The following KMT2B variants were observed in gnomAD, a reference collection of about 807,000 sequenced individuals.
The protein encoded by KMT2B is lysine methyltransferase 2B.
Under a neutral mutation model 255.3 loss-of-function variants are expected in KMT2B, and 22 were observed. The observed-to-expected ratio is 0.09, with a 90% CI of 0.06 to 0.12. The LOEUF (loss-of-function observed/expected upper bound fraction) is 0.12. Among genes scored for constraint, KMT2B ranks in the 10% least tolerant of loss-of-function variants. The pLI is 1.00. For missense variants in KMT2B, 3,149 were observed against 3,737.0 expected (o/e 0.84, Z 4.10); for synonymous variants, 1,730 against 1,498.1 (o/e 1.15, Z -3.57).
At position 35,737,948 on chromosome 19, in the gene KMT2B, TG is replaced by T; in HGVS notation, c.7742+10del. On this transcript the variant is annotated splice_region_variant and intron_variant, in intron 35 of 36. Transcript: ENST00000420124. The surrounding 1 kb of genome is among the most constrained non-coding windows in gnomAD (Gnocchi z 5.3). The stretch of plus-strand genomic sequence containing the variant: ...GAAGCTGTGGGTGTCTACAGGTGAG[TG>T]GGGTTGGGGGGGAGGATGCCCCTTG... The T allele has an allele frequency of 1.2e-6, 2 of 1,601,088 alleles. No homozygotes were observed. Among genetic ancestry groups the T allele is most frequent in the Non-Finnish European group, 1.7e-6 (2 of 1,173,658 alleles).
rs990572080 is a variant in KMT2B at position 35,738,744 on chromosome 19, C to G, written c.*187C>G. The G allele has an allele frequency of 7.9e-6, 5 of 633,108 alleles. No individual in the cohort carries two copies. Among genetic ancestry groups the G allele is most frequent in the African/African-American group, 7.3e-5 (4 of 54,486 alleles). 39.2% of individuals were successfully genotyped at this position (633,108 alleles called of 1,614,324 possible). A position where few individuals can be genotyped will look rare whatever the true frequency, so the allele number is the denominator to read the frequency against. On this transcript the variant is annotated 3_prime_UTR_variant, in exon 37 of 37. Transcript: ENST00000420124. The surrounding 1 kb of genome is among the most constrained non-coding windows in gnomAD (Gnocchi z 8.7). ...CTCCAGCCCATCCAGCAATCGCCCC[C>G]TTTCTGCCCTGGGGGCCCAGGATGT... is the stretch of plus-strand genomic sequence containing the variant.
At position 35,725,107 on chromosome 19, in the gene KMT2B, G is replaced by A. The variant is rs192577025; in HGVS notation, c.3528+20G>A. The A allele has an allele frequency of 2.1e-5, 33 of 1,595,344 alleles. 1 individual carries two copies. The African/African-American group carries it at 2.4e-4, about 12-fold the overall frequency. ...TTTAAGGTATGGCATTGAGTGGGGC[G>A]AGTCACAGAGCCTCTGGTTGGAAGA... On this transcript the variant is annotated intron_variant, in intron 10 of 36. Coordinates refer to ENST00000420124, the MANE Select transcript of KMT2B (RefSeq NM_014727.3). This position sits in a 1 kb window ranked among gnomAD's most constrained non-coding sequence, Gnocchi z 4.1.
intron 4 of KMT2B, 46 bp downstream of exon 4, chr19:35,722,518 G>A (rs1362282610): frequency 1.3e-6 from 2 of 1,593,948 alleles, no homozygotes; most frequent in Admixed American, 1.7e-5. Flanking sequence ...CGGGAGGAGT[G>A]GGGCTGCGGG....
Position 35,719,892 on chromosome 19 carries a change from G to T in KMT2B, c.545G>T (p.Gly182Val), listed in dbSNP as rs1969112539. 6.2e-7 allele frequency: 1 copy of T among 1,613,456 alleles called. No homozygotes were observed. The highest frequency in any genetic ancestry group is 2.2e-5 in the East Asian group (1 of 44,846). Residue 182 changes from glycine to valine, a missense_variant, in exon 3 of 37, where the codon GGT becomes GTT. Gly to Val is a moderately radical substitution (Grantham distance 109). This residue lies in a region of KMT2B where 1,188 missense variants were observed against 1,106.4 expected (regional missense o/e 1.07). Coordinates refer to ENST00000420124, the MANE Select transcript of KMT2B (RefSeq NM_014727.3). ...CCAAAGACCCCTGCCCGGAAACGGG[G>T]TGAGGAAGGCACAGAACGGATGGTG... ...TPPKTPARKR[G>V]EEGTERMVQA...
At position 35,737,689 on chromosome 19, in the gene KMT2B, C is replaced by A. The variant is rs868515059; in HGVS notation, c.7604C>A (p.Pro2535His). Reference sequence around the variant, plus strand: ...CTGGCCTCCCAGCACCGGGTGCTCCCTGAGGGGGCCACCTGTGATGAGGAA... The same window carrying A: ...CTGGCCTCCCAGCACCGGGTGCTCCATGAGGGGGCCACCTGTGATGAGGAA... ...NFLASQHRVLPEGATCDEEED... is the reference protein window; with the variant it reads ...NFLASQHRVLHEGATCDEEED... The change falls in exon 34 of 37, where the codon CCT (proline) becomes CAT (histidine). Residue 2535 changes from proline to histidine, a missense_variant. Pro to His is a moderately conservative substitution (Grantham distance 77, BLOSUM62 -2). This residue lies in a region of KMT2B where 103 missense variants were observed against 200.7 expected (regional missense o/e 0.51). Coordinates refer to ENST00000420124, the MANE Select transcript of KMT2B (RefSeq NM_014727.3). The surrounding 1 kb of genome is among the most constrained non-coding windows in gnomAD (Gnocchi z 5.3). The A allele has an allele frequency of 6.3e-7, 1 of 1,582,664 alleles. No homozygotes were observed. Among genetic ancestry groups the A allele is most frequent in the East Asian group, 2.3e-5 (1 of 43,466 alleles).
At position 35,732,433 on chromosome 19, in the gene KMT2B, G is replaced by A; in HGVS notation, c.5884G>A (p.Gly1962Ser). ...TACCTCAGGGGAGCTGGCTCCCCCT[G>A]GCCCGGCCCCATCTCCACCACCCCC... is the stretch of plus-strand genomic sequence containing the variant. ...TPTSGELAPP[G>S]PAPSPPPPED... The change falls in exon 28 of 37, where the codon GGC becomes AGC. Residue 1962 changes from glycine to serine, a missense_variant. Physicochemically the swap from Gly to Ser is moderately conservative, Grantham distance 56. Coordinates refer to ENST00000420124, the MANE Select transcript of KMT2B (RefSeq NM_014727.3). 6.2e-7 allele frequency: 1 copy of A among 1,613,660 alleles called. No individual in the cohort carries two copies. Among genetic ancestry groups the A allele is most frequent in the Non-Finnish European group, 8.5e-7 (1 of 1,179,678 alleles).
At chr19:35,721,872 C>G (rs1212973194) in intron 3 of KMT2B, 68 bp downstream of exon 3, 2 of 1,455,950 alleles carry the variant, frequency 1.4e-6, no homozygotes, top group Non-Finnish European at 1.8e-6. Context: ...AACCCCCTAA[C>G]CTTCCGCCTC....
In KMT2B at chr19:35,732,553, C is replaced by A; in HGVS notation, c.6004C>A (p.Pro2002Thr). 1 of 1,613,810 alleles carries A rather than the reference C, an allele frequency of 6.2e-7. No homozygotes were observed. The highest frequency in any genetic ancestry group is 8.5e-7 in the Non-Finnish European group (1 of 1,179,870). ...DFAASLLGTE[P>T]FQEEIVAAGA... ...CGCGGCCAGCCTGCTGGGGACTGAG[C>A]CCTTCCAGGAAGAGATTGTAGCCGC... Residue 2002 changes from proline to threonine, a missense_variant, in exon 28 of 37, where the codon CCC becomes ACC. Physicochemically the swap from Pro to Thr is conservative, Grantham distance 38. Coordinates refer to ENST00000420124, the MANE Select transcript of KMT2B (RefSeq NM_014727.3).
In KMT2B at chr19:35,728,769, C is replaced by T. The variant is rs781450080; in HGVS notation, c.4572-5C>T. The stretch of plus-strand genomic sequence containing the variant: ...ACATCAGCTGCTAACCCTGCCTGTC[C>T]ACAGCGGAGTCCTTCCCAATGCGGT... On this transcript the variant is annotated splice_region_variant and splice_polypyrimidine_tract_variant and intron_variant, in intron 19 of 36. Transcript: ENST00000420124. 1 of 1,612,268 alleles carries T rather than the reference C, an allele frequency of 6.2e-7. No homozygotes were observed.
chr19:35,727,659 A>T lies in KMT2B; in HGVS notation c.4302+37A>T, dbSNP rs1484809223. 1.2e-6 allele frequency: 2 copies of T among 1,612,268 alleles called. No homozygotes were observed. Among genetic ancestry groups the T allele is most frequent in the South Asian group, 2.2e-5 (2 of 91,068 alleles). On this transcript the variant is annotated intron_variant, in intron 16 of 36. Coordinates refer to ENST00000420124, the MANE Select transcript of KMT2B (RefSeq NM_014727.3). This position sits in a 1 kb window ranked among gnomAD's most constrained non-coding sequence, Gnocchi z 4.2. ...CCTGGAGGCAGGATGGGCCGGGGCT[A>T]GGCCCACCCCCAGCCCTGCTAACTT...
intron 3 of KMT2B, 34 bp downstream of exon 3, chr19:35,721,838 A>G (rs201582458): frequency 1.1e-5 from 16 of 1,517,208 alleles, no homozygotes; most frequent in East Asian, 2.3e-5. Flanking sequence ...CGGCACACCC[A>G]GCCATCCAGC....
chr19:35,726,310 A>T lies in KMT2B; in HGVS notation c.3960A>T (p.Gly1320=). 1 of 1,613,722 alleles carries T rather than the reference A, an allele frequency of 6.2e-7. No individual in the cohort carries two copies. ...AGAACTGGGACGTCGAGTGGTCTGGAGATTACAGCCTCTGCCCCAGGTGCA... is the reference window on the plus strand; with the variant it reads ...AGAACTGGGACGTCGAGTGGTCTGGTGATTACAGCCTCTGCCCCAGGTGCA... ...PGKNWDVEWS[G]DYSLCPRCTQ... is the part of the protein sequence containing the mutation. Residue 1320 remains glycine, a synonymous_variant, in exon 14 of 37, where the codon GGA becomes GGT. Transcript: ENST00000420124.
At position 35,729,173 on chromosome 19, in the gene KMT2B, C is replaced by T. The variant is rs371880047; in HGVS notation, c.4794C>T (p.Leu1598=). 3.1e-6 allele frequency: 5 copies of T among 1,613,468 alleles called. No individual in the cohort carries two copies. The Admixed American group carries it at 5.0e-5, about 16-fold the overall frequency. ...TTCTGCCCCAGGAGGCGGGGCGGCTCTTGTACATCGGGCAGAACGAGTGGA... is the reference window on the plus strand; with the variant it reads ...TTCTGCCCCAGGAGGCGGGGCGGCTTTTGTACATCGGGCAGAACGAGTGGA... The part of the protein sequence containing the change: ...GDADSKEAGR[L]LYIGQNEWTH... Residue 1598 remains leucine (L), a synonymous_variant, in exon 22 of 37, where the codon CTC becomes CTT. Transcript: ENST00000420124.
intron 31 of KMT2B, 31 bp from the exon 32 acceptor site, chr19:35,736,881 T>G: frequency 6.2e-7 from 1 of 1,613,922 alleles, no homozygotes; most frequent in Non-Finnish European, 8.5e-7. Flanking sequence ...AACACCATCC[T>G]GACTCAGCTC....
intron 2 of KMT2B, 60 bp from the exon 3 acceptor site, chr19:35,719,724 C>T (rs1433858728): frequency 1.2e-5 from 18 of 1,533,390 alleles, no homozygotes; most frequent in East Asian, 9.0e-5. Context: ...CCTCCTGGAG[C>T]GCCTTCCTCT....
rs372461352 is a variant in KMT2B, at chr19:35,719,947, C to T, written c.600C>T (p.Ala200=). 2 of 1,613,396 alleles carry T rather than the reference C, an allele frequency of 1.2e-6. No individual in the cohort carries two copies. The highest frequency in any genetic ancestry group is 1.7e-6 in the Non-Finnish European group (2 of 1,179,868). Residue 200 remains alanine (A), a synonymous_variant, in exon 3 of 37, where the codon GCC becomes GCT. Transcript: ENST00000420124. ...VQALTELLRR[A]QAPQAPRSRA... ...CACTGACTGAACTTCTCCGGCGGGC[C>T]CAGGCACCCCAAGCACCCCGGAGCC... is the stretch of plus-strand genomic sequence containing the variant.
chr19:35,736,671 A>G lies in KMT2B; in HGVS notation c.7160-19A>G, dbSNP rs768776016. 28 of 1,612,382 alleles carry G rather than the reference A, an allele frequency of 1.7e-5. No individual in the cohort carries two copies. The highest frequency in any genetic ancestry group is 3.3e-4 in the Middle Eastern group (2 of 6,084). On this transcript the variant is annotated intron_variant, in intron 30 of 36. Coordinates refer to ENST00000420124, the MANE Select transcript of KMT2B (RefSeq NM_014727.3). ...TCCGGGAAGGGTGATCTTCACTCCAACCTGCTTCTTGGGACCAGGTGAGGC... is the reference window on the plus strand; with the variant it reads ...TCCGGGAAGGGTGATCTTCACTCCAGCCTGCTTCTTGGGACCAGGTGAGGC...
At chr19:35,719,419 C>A in intron 1 of KMT2B, 50 bp from the exon 2 acceptor site, 1 of 1,341,562 alleles carries the variant, frequency 7.5e-7, no homozygotes, top group Non-Finnish European at 1.0e-6. Context: ...GGAACGAGGG[C>A]TTTGGCACTG....
intron 8 of KMT2B, 129 bp downstream of exon 8, chr19:35,724,136 G>A: frequency 1.1e-6 from 1 of 898,660 alleles, no homozygotes; most frequent in East Asian, 2.6e-5. Context: ...GGCGGAGGAG[G>A]AGACAGTTTT....
Sources: allele counts gnomAD v4.1 joint callset, GRCh38; gene constraint gnomAD v4.1.1; regional missense constraint gnomAD v4.1.1; non-coding constraint Gnocchi (gnomAD v3.1); transcripts MANE v1.5; gene names NCBI Gene and HGNC (gene_info 2026-07-23, HGNC 2026-07-21).